Variants in FAM228A observed in about 807,000 individuals in gnomAD.
The protein encoded by FAM228A is protein FAM228A.
A neutral mutation model predicts 18.6 loss-of-function variants in FAM228A; 13 were observed. The observed-to-expected ratio is 0.70, with a 90% CI of 0.45 to 1.11. FAM228A has a LOEUF of 1.11. FAM228A is among the 50% of genes least tolerant of loss of function. The pLI, the probability that FAM228A is intolerant of heterozygous loss-of-function variation, is 0.00. For synonymous variants in FAM228A, 77 were observed against 86.6 expected (o/e 0.89, Z 0.61); for missense variants, 240 against 242.2 (o/e 0.99, Z 0.06).
At chr2:24,175,672 A>T (rs1667664882) in intron 2 of FAM228A, 99 bp downstream of exon 2, 1 of 932,910 alleles carries the variant, frequency 1.1e-6, no homozygotes, top group South Asian at 1.4e-5. Flanking sequence ...CAGGATTGTG[A>T]CAGTGCCTGC....
intron 3 of FAM228A, among the ~76,000 whole-genome samples, chr2:24,180,372 A>C (rs1385769809): frequency 6.6e-6 from 1 of 151,512 alleles, no homozygotes; most frequent in East Asian, 1.9e-4. Context: ...GGATCACTTG[A>C]GCCTGGGAGG....
At chr2:24,176,341 C>A in intron 2 of FAM228A, 1 of 383,960 alleles carries the variant, frequency 2.6e-6, no homozygotes, top group Non-Finnish European at 3.2e-6. Flanking sequence ...CAGTTGCCAT[C>A]TTCATTTTAA....
intron 5 of FAM228A, among the ~76,000 whole-genome samples, chr2:24,184,393 A>C (rs1667893742): frequency 1.3e-5 from 2 of 148,464 alleles, no homozygotes; most frequent in South Asian, 4.3e-4. Flanking sequence ...AAAAAAAAAA[A>C]AGATACAGCT....
At chr2:24,176,194 A>G (rs1302962268) in intron 2 of FAM228A, 2 of 984,444 alleles carry the variant, frequency 2.0e-6, no homozygotes, top group Non-Finnish European at 2.4e-6. Flanking sequence ...TTTGTTAACA[A>G]TCTTACTAGG....
chr2:24,188,373 C>T (rs915191294), intron 5 of FAM228A: 159 of 917,424 alleles, frequency 1.7e-4, no homozygotes, highest in Non-Finnish European at 1.8e-4. Flanking sequence ...CATGCATTAG[C>T]TATTTTTCCT....
At position 24,183,648 on chromosome 2, in the gene FAM228A, A is replaced by G. The variant is rs772097899; in HGVS notation, c.401+3A>G. ...AGGAGTAAAACTTACAAATACAGGT[A>G]CAGATGAGCAGAACAAACAAATATT... On this transcript the variant is annotated splice_donor_region_variant and intron_variant, in intron 5 of 5. Coordinates refer to ENST00000295150, the MANE Select transcript of FAM228A (RefSeq NM_001040710.3). 1.3e-6 allele frequency: 2 copies of G among 1,579,498 alleles called. No homozygotes were observed. The highest frequency in any genetic ancestry group is 8.6e-7 in the Non-Finnish European group (1 of 1,163,278).
In FAM228A at chr2:24,190,425, A is replaced by T. The variant is rs201619656; in HGVS notation, c.415A>T (p.Ile139Phe). Residue 139 changes from isoleucine (I) to phenylalanine (F), a missense_variant, in exon 6 of 6, where the codon ATC (isoleucine) becomes TTC (phenylalanine). Ile to Phe is a conservative substitution (Grantham distance 21). Transcript: ENST00000295150. ...KTYKYSPEKL[I>F]YADKKQKRKE... ...TTTTCTTCACAGTCCTGAAAAGCTC[A>T]TCTATGCAGACAAGAAACAGAAAAG... 5 of 1,611,110 alleles carry T rather than the reference A, an allele frequency of 3.1e-6. No homozygotes were observed. Among genetic ancestry groups the T allele is most frequent in the Non-Finnish European group, 4.2e-6 (5 of 1,179,216 alleles).
intron 5 of FAM228A, among the ~76,000 whole-genome samples, chr2:24,188,884 A>C (rs1022105987): frequency 2.0e-5 from 3 of 152,082 alleles, no homozygotes; most frequent in Non-Finnish European, 4.4e-5. Flanking sequence ...ATACACTCTC[A>C]ATATTTTGTT....
intron 3 of FAM228A, among the ~76,000 whole-genome samples, 193 bp downstream of exon 3, chr2:24,178,063 G>A (rs753842912): frequency 1.3e-5 from 2 of 152,146 alleles, no homozygotes; most frequent in African/African-American, 2.4e-5. Context: ...TCACTAAAAG[G>A]TCCCTGATCC....
At chr2:24,183,686 A>G in intron 5 of FAM228A, 41 bp downstream of exon 5, 1 of 1,524,946 alleles carries the variant, frequency 6.6e-7, no homozygotes, top group South Asian at 1.3e-5. Context: ...TTTAACTTGC[A>G]ACTTACTTTA....
chr2:24,180,614 A>G (rs1479132210), intron 3 of FAM228A, among the ~76,000 whole-genome samples: 2 of 152,198 alleles, frequency 1.3e-5, no homozygotes, highest in South Asian at 4.1e-4. Context: ...ATGTGATTTC[A>G]TGGGTATAGG....
Position 24,190,768 on chromosome 2 carries a change from C to T in FAM228A, c.*137C>T, listed in dbSNP as rs976638308. 3 of 1,337,392 alleles carry T rather than the reference C, an allele frequency of 2.2e-6. No individual in the cohort carries two copies. Among genetic ancestry groups the T allele is most frequent in the Admixed American group, 3.5e-5 (1 of 28,308 alleles). 82.8% of individuals were successfully genotyped at this position (1,337,392 alleles called of 1,614,324 possible). ...GCACTGCAGCTCTGACAGGGCCCCT[C>T]GGGCGGGGAAGCCTTGCATGAAGAA... is the stretch of plus-strand genomic sequence containing the variant. On this transcript the variant is annotated 3_prime_UTR_variant, in exon 6 of 6. Transcript: ENST00000295150.
intron 5 of FAM228A, chr2:24,188,709 C>A: frequency 1.1e-6 from 1 of 946,852 alleles, no homozygotes; most frequent in Non-Finnish European, 1.3e-6. Context: ...ATTGTCAACT[C>A]ATTCCTGAAG....
rs1361601066 is a variant in FAM228A, at chr2:24,175,422, C to T, written c.-14-45C>T. On this transcript the variant is annotated intron_variant, in intron 1 of 5. Transcript: ENST00000295150. The stretch of plus-strand genomic sequence containing the variant: ...CTGAGCCCAAAGGCCTGGCTCTCAA[C>T]GGTAACCGTCTTCCTCAGCCTCAGT... 3 of 1,415,810 alleles carry T rather than the reference C, an allele frequency of 2.1e-6. No homozygotes were observed. In the African/African-American group the frequency reaches 4.2e-5, roughly 20 times the overall value. The allele number at this position is 1,415,810 out of a possible 1,614,324, so 87.7% of individuals were successfully genotyped here.
In FAM228A at chr2:24,187,523, A is replaced by G. The variant is rs146848745; in HGVS notation, c.402-2889A>G. ...AAATGTACAATGACATGTATCCATC[A>G]TTCTGTTCCAGTGTCACACAGAATA... is the stretch of plus-strand genomic sequence containing the variant. On this transcript the variant is annotated intron_variant, in intron 5 of 5. Coordinates refer to ENST00000295150, the MANE Select transcript of FAM228A (RefSeq NM_001040710.3). 3.3e-4 allele frequency among the ~76,000 whole-genome samples: 51 copies of G among 152,344 alleles called. No homozygotes were observed. The East Asian group carries it at 8.9e-3, about 26-fold the overall frequency.
chr2:24,191,566 T>C lies in FAM228A; in HGVS notation c.*935T>C. On this transcript the variant is annotated 3_prime_UTR_variant, in exon 6 of 6. Coordinates refer to ENST00000295150, the MANE Select transcript of FAM228A (RefSeq NM_001040710.3). The stretch of plus-strand genomic sequence containing the variant: ...CGTGATGATTTGCTATAGGTATTCA[T>C]TGTGAAATGTTTGCCACAGTCAAGC... 2.2e-6 allele frequency: 2 copies of C among 898,788 alleles called. No homozygotes were observed. The highest frequency in any genetic ancestry group is 2.7e-6 in the Non-Finnish European group (2 of 750,450). 55.7% of individuals were successfully genotyped at this position (898,788 alleles called of 1,614,324 possible). A position where few individuals can be genotyped will look rare whatever the true frequency, so the allele number is the denominator to read the frequency against.
rs1056759598 is a variant in FAM228A at position 24,188,414 on chromosome 2, C to G, written c.402-1998C>G. The G allele has an allele frequency of 3.0e-6, 3 of 985,168 alleles. No individual in the cohort carries two copies. The African/African-American group carries it at 5.2e-5, about 17-fold the overall frequency. The allele number at this position is 985,168 out of a possible 1,614,324, so 61.0% of individuals were successfully genotyped here. On this transcript the variant is annotated intron_variant, in intron 5 of 5. Coordinates refer to ENST00000295150, the MANE Select transcript of FAM228A (RefSeq NM_001040710.3). ...TCTCCCTTCCCCCTCCCCACCCCTCCTTGATTCTTTTTCAAATAGGTTTTG... is the reference window on the plus strand; with the variant it reads ...TCTCCCTTCCCCCTCCCCACCCCTCGTTGATTCTTTTTCAAATAGGTTTTG...
In FAM228A at chr2:24,191,397, C is replaced by T. The variant is rs915881822; in HGVS notation, c.*766C>T. 2 of 985,370 alleles carry T rather than the reference C, an allele frequency of 2.0e-6. No individual in the cohort carries two copies. The highest frequency in any genetic ancestry group is 3.5e-5 in the African/African-American group (2 of 57,250). The allele number at this position is 985,370 out of a possible 1,614,324, so 61.0% of individuals were successfully genotyped here. On this transcript the variant is annotated 3_prime_UTR_variant, in exon 6 of 6. Coordinates refer to ENST00000295150, the MANE Select transcript of FAM228A (RefSeq NM_001040710.3). Reference sequence around the variant, plus strand: ...AGCTCCTGCTCAGTCCCATCGCTGTCCCCGGTCTCTCCAGGGAGTAAGGGA... The same window carrying T: ...AGCTCCTGCTCAGTCCCATCGCTGTTCCCGGTCTCTCCAGGGAGTAAGGGA...
Position 24,183,557 on chromosome 2 carries a change from C to A in FAM228A, c.313C>A (p.Pro105Thr). The change falls in exon 5 of 6, where the codon CCC becomes ACC. Residue 105 changes from proline to threonine, a missense_variant. Coordinates refer to ENST00000295150, the MANE Select transcript of FAM228A (RefSeq NM_001040710.3). The stretch of plus-strand genomic sequence containing the variant: ...GAAGGCCAGGCTGCATGCCAGCTCG[C>A]CCTACTTCACTTTCACTTCACACTG... The part of the protein sequence containing the change: ...IEKARLHASS[P>T]YFTFTSHCVI... 2 of 1,613,996 alleles carry A rather than the reference C, an allele frequency of 1.2e-6. No individual in the cohort carries two copies. Among genetic ancestry groups the A allele is most frequent in the Non-Finnish European group, 1.7e-6 (2 of 1,179,926 alleles).
Sources: gnomAD v4.1 joint callset for allele counts (sites outside exome capture counted in the v4.1 genomes callset) on GRCh38, gnomAD v4.1.1 for gene constraint, MANE v1.5 for transcripts, NCBI Gene and HGNC (gene_info 2026-07-23, HGNC 2026-07-21) for gene names.